EXTL3: variants seen among roughly 807,000 people sequenced by gnomAD.
EXTL3 encodes exostosin-like 3.
Under a neutral mutation model 69.3 loss-of-function variants are expected in EXTL3, and 27 were observed. The observed-to-expected ratio is 0.39, with a 90% CI of 0.29 to 0.54. The LOEUF (loss-of-function observed/expected upper bound fraction) is 0.54, where lower values mean the gene tolerates loss of function less well. Among genes scored for constraint, EXTL3 ranks in the 20% least tolerant of loss-of-function variants. EXTL3 has a pLI of 0.69. For missense variants in EXTL3, 1,003 were observed against 1,231.8 expected (o/e 0.81, Z 2.78); for synonymous variants, 511 against 499.4 (o/e 1.02, Z -0.31).
intron 1 of EXTL3, among the ~76,000 whole-genome samples, chr8:28,652,011 T>G (rs536715200): frequency 6.8e-6 from 1 of 147,942 alleles, no homozygotes; most frequent in East Asian, 2.0e-4. Flanking sequence ...TTTTGACGGC[T>G]GAATAATATT....
chr8:28,662,311 C>G (rs190271380), intron 1 of EXTL3, among the ~76,000 whole-genome samples: 2 of 152,176 alleles, frequency 1.3e-5, no homozygotes, highest in Admixed American at 1.3e-4. Context: ...GCTGGTCACC[C>G]TATCATACTG....
chr8:28,728,690 A>G (rs956083009), intron 3 of EXTL3, among the ~76,000 whole-genome samples: 1 of 152,116 alleles, frequency 6.6e-6, no homozygotes, highest in African/African-American at 2.4e-5. Flanking sequence ...GTTTGAGGCC[A>G]GTCAAGGCTA....
intron 1 of EXTL3, among the ~76,000 whole-genome samples, chr8:28,639,018 A>G (rs921104447): frequency 1.3e-5 from 2 of 149,116 alleles, no homozygotes; most frequent in African/African-American, 5.0e-5. Flanking sequence ...GCTCACCACA[A>G]CCTCCAACTC....
intron 1 of EXTL3, among the ~76,000 whole-genome samples, chr8:28,640,155 G>A (rs1053173488): frequency 3.3e-5 from 5 of 152,136 alleles, no homozygotes; most frequent in African/African-American, 9.7e-5. Flanking sequence ...GTTCATGAGT[G>A]CAGATATTTG....
intron 1 of EXTL3, among the ~76,000 whole-genome samples, chr8:28,636,411 A>T (rs1303085289): frequency 1.3e-5 from 2 of 151,830 alleles, no homozygotes; most frequent in Non-Finnish European, 2.9e-5. Flanking sequence ...AGCTCTTATC[A>T]CCCTCAACGG....
chr8:28,734,156 A>G (rs1164874566), intron 4 of EXTL3, among the ~76,000 whole-genome samples: 2 of 152,066 alleles, frequency 1.3e-5, no homozygotes, highest in Admixed American at 6.5e-5. Flanking sequence ...AGAGTTCTTT[A>G]TATATTCTAG....
chr8:28,629,166 T>A (rs1034963450), intron 1 of EXTL3, among the ~76,000 whole-genome samples: 1 of 34,470 alleles, frequency 2.9e-5, no homozygotes, highest in South Asian at 1.6e-3. Context: ...ACCCCCACCC[T>A]CCAATTCCCC....
At chr8:28,608,065 G>A (rs555775770) in intron 2 of EXTL3, among the ~76,000 whole-genome samples, 5 of 151,180 alleles carry the variant, frequency 3.3e-5, no homozygotes, top group African/African-American at 4.9e-5. Context: ...AGCCGAGATC[G>A]TGCCACTGCA....
In EXTL3 at chr8:28,716,208, A is replaced by G; in HGVS notation, c.149A>G (p.Tyr50Cys). 1.2e-6 allele frequency: 2 copies of G among 1,614,118 alleles called. No individual in the cohort carries two copies. Among genetic ancestry groups the G allele is most frequent in the Non-Finnish European group, 8.5e-7 (1 of 1,180,016 alleles). ...TTCTTCCCGCTCATCGCCCACTATT[A>G]CCTCACCACTCTGGATGAGGCTGAT... ...LVFFPLIAHY[Y>C]LTTLDEADEA... Residue 50 changes from tyrosine (Y) to cysteine (C), a missense_variant, in exon 3 of 7, where the codon TAC (tyrosine) becomes TGC (cysteine). This residue lies in a region of EXTL3 where 742 missense variants were observed against 815.4 expected (regional missense o/e 0.91). Transcript: ENST00000220562. The surrounding 1 kb of genome is among the most constrained non-coding windows in gnomAD (Gnocchi z 7.1).
At chr8:28,640,417 A>G (rs564232779) in intron 1 of EXTL3, among the ~76,000 whole-genome samples, 1 of 152,204 alleles carries the variant, frequency 6.6e-6, no homozygotes, top group Non-Finnish European at 1.5e-5. Flanking sequence ...AGTAAAATCT[A>G]GCACTAATTC....
chr8:28,753,717 C>T lies in EXTL3; in HGVS notation c.*2851C>T, dbSNP rs1406105436. Reference sequence around the variant, plus strand: ...CTTGGAGGTCTTTTGTGGTTTTCCTCAGCAAGTATGGAAGAGTGACCTGAG... The same window carrying T: ...CTTGGAGGTCTTTTGTGGTTTTCCTTAGCAAGTATGGAAGAGTGACCTGAG... On this transcript the variant is annotated 3_prime_UTR_variant, in exon 7 of 7. Transcript: ENST00000220562. 6.5e-6 allele frequency: 1 copy of T among 152,686 alleles called. No individual in the cohort carries two copies. Among genetic ancestry groups the T allele is most frequent in the African/African-American group, 2.4e-5 (1 of 41,464 alleles). The allele number at this position is 152,686 out of a possible 1,614,324, so 9.5% of individuals were successfully genotyped here.
intron 1 of EXTL3, among the ~76,000 whole-genome samples, chr8:28,685,246 A>T (rs1807558357): frequency 6.6e-6 from 1 of 152,086 alleles, no homozygotes; most frequent in Non-Finnish European, 1.5e-5. Flanking sequence ...CACCATGCCC[A>T]GCCAAGTAAT....
upstream of EXTL3, chr8:28,699,456 G>A (rs571322810): frequency 1.3e-5 from 2 of 152,866 alleles, no homozygotes; most frequent in African/African-American, 4.8e-5. Context: ...CAAAGCGGAG[G>A]GGGGCTCAGC....
intron 1 of EXTL3, among the ~76,000 whole-genome samples, chr8:28,638,547 G>A (rs1475266134): frequency 6.6e-6 from 1 of 152,166 alleles, no homozygotes; most frequent in Non-Finnish European, 1.5e-5. Flanking sequence ...TCCAAGCTGA[G>A]ACCCAGTCCT....
chr8:28,750,409 C>A lies in EXTL3; in HGVS notation c.2551-248C>A, dbSNP rs947944903. The stretch of plus-strand genomic sequence containing the variant: ...ACTTACTGAGACAGCTGACACTACA[C>A]ACGTTAAGGCTTTTGGCATCTGAGA... On this transcript the variant is annotated intron_variant, in intron 6 of 6. Transcript: ENST00000220562. This position sits in a 1 kb window ranked among gnomAD's most constrained non-coding sequence, Gnocchi z 5.2. Among the ~76,000 whole-genome samples, 1 of 152,212 alleles carries A rather than the reference C, an allele frequency of 6.6e-6. No individual in the cohort carries two copies. The highest frequency in any genetic ancestry group is 1.5e-5 in the Non-Finnish European group (1 of 68,034).
intron 1 of EXTL3, among the ~76,000 whole-genome samples, chr8:28,627,241 T>G (rs1447659779): frequency 2.0e-5 from 3 of 151,226 alleles, no homozygotes; most frequent in African/African-American, 7.3e-5. Context: ...CTGGGCGCAG[T>G]GGCTCATGAC....
chr8:28,616,993 G>C (rs985956694), intron 2 of EXTL3, among the ~76,000 whole-genome samples: 4 of 152,218 alleles, frequency 2.6e-5, no homozygotes, highest in Admixed American at 2.6e-4. Context: ...AGGAAACACA[G>C]TATGCCTACT....
At chr8:28,636,749 G>C (rs1325720588) in intron 1 of EXTL3, among the ~76,000 whole-genome samples, 3 of 152,120 alleles carry the variant, frequency 2.0e-5, no homozygotes, top group Non-Finnish European at 4.4e-5. Flanking sequence ...GGTGGCTTAC[G>C]CCTGTAACCC....
intron 1 of EXTL3, among the ~76,000 whole-genome samples, chr8:28,640,984 C>T (rs1034784436): frequency 7.2e-5 from 11 of 151,998 alleles, no homozygotes; most frequent in Admixed American, 2.0e-4. Context: ...TATAGCCTCA[C>T]GTTTTACTTT....
Sources: gnomAD v4.1 joint callset for allele counts (sites outside exome capture counted in the v4.1 genomes callset) on GRCh38, gnomAD v4.1.1 for gene constraint, gnomAD v4.1.1 regional missense constraint, Gnocchi (gnomAD v3.1) non-coding constraint, MANE v1.5 for transcripts, NCBI Gene and HGNC (gene_info 2026-07-23, HGNC 2026-07-21) for gene names.